The following NCAM2 variants were observed in gnomAD, a reference collection of about 807,000 sequenced individuals.
NCAM2 encodes the protein N-CAM-2.
NCAM2 carries 30 observed loss-of-function variants against 98.1 expected under a neutral mutation model. The observed-to-expected ratio is 0.31, with a 90% confidence interval of 0.23 to 0.41. NCAM2 has a LOEUF of 0.41. Ranked by LOEUF, NCAM2 falls within the 10% of genes least tolerant of loss-of-function variation. The pLI, the probability that NCAM2 is intolerant of heterozygous loss-of-function variation, is 1.00. For missense variants in NCAM2, 867 were observed against 1,005.8 expected (o/e 0.86, Z 1.87); for synonymous variants, 368 against 342.4 (o/e 1.07, Z -0.83).
intron 12 of NCAM2, among the ~76,000 whole-genome samples, chr21:21,441,217 G>A (rs947510185): frequency 1.3e-5 from 2 of 152,040 alleles, no homozygotes; most frequent in Admixed American, 6.6e-5. Flanking sequence ...AAAACTAAAA[G>A]ACAGTTATTA....
intron 1 of NCAM2, among the ~76,000 whole-genome samples, chr21:21,107,125 G>A (rs1192789185): frequency 6.6e-6 from 1 of 151,940 alleles, no homozygotes; most frequent in Non-Finnish European, 1.5e-5. Context: ...TAAAACGTCT[G>A]GTAATAACAG....
intron 1 of NCAM2, among the ~76,000 whole-genome samples, chr21:21,028,287 G>A (rs1159670779): frequency 6.6e-6 from 1 of 152,134 alleles, no homozygotes; most frequent in Non-Finnish European, 1.5e-5. Flanking sequence ...GTTCTCATTA[G>A]CAATGATGCA....
chr21:21,361,109 T>C (rs1178184476), intron 8 of NCAM2, among the ~76,000 whole-genome samples: 1 of 152,110 alleles, frequency 6.6e-6, no homozygotes, highest in Non-Finnish European at 1.5e-5. Flanking sequence ...ATCTGAGTTT[T>C]CATGTGGAGT....
intron 15 of NCAM2, among the ~76,000 whole-genome samples, chr21:21,482,366 AAATT>A (rs1985969637): frequency 6.6e-6 from 1 of 152,168 alleles, no homozygotes; most frequent in Non-Finnish European, 1.5e-5. Flanking sequence ...AATGAAATAT[AAATT>A]CAAACATATT....
intron 12 of NCAM2, among the ~76,000 whole-genome samples, chr21:21,456,906 C>T (rs1982229985): frequency 6.6e-6 from 1 of 152,186 alleles, no homozygotes; most frequent in Non-Finnish European, 1.5e-5. Flanking sequence ...AATCTGCTTT[C>T]ACCTAAACTT....
intron 16 of NCAM2, among the ~76,000 whole-genome samples, chr21:21,532,369 G>A (rs565263900): frequency 2.5e-3 from 374 of 152,052 alleles, no homozygotes; most frequent in African/African-American, 8.7e-3. Flanking sequence ...TATCTGTGTA[G>A]AATGTCTCTG....
chr21:21,103,718 G>A (rs1476023388), intron 1 of NCAM2, among the ~76,000 whole-genome samples: 3 of 152,058 alleles, frequency 2.0e-5, no homozygotes, highest in African/African-American at 7.2e-5. Flanking sequence ...ATACGTCTGT[G>A]TTTTACACTA....
At chr21:21,462,389 C>T (rs559443637) in intron 12 of NCAM2, among the ~76,000 whole-genome samples, 3 of 152,048 alleles carry the variant, frequency 2.0e-5, no homozygotes, top group South Asian at 4.2e-4. Flanking sequence ...AATTAGTTAC[C>T]AAATATGTAT....
rs17003852 is a variant in NCAM2, at chr21:21,407,129, A to G, written c.1196-3145A>G. 7.0e-3 allele frequency among the ~76,000 whole-genome samples: 1,070 copies of G among 152,292 alleles called. 13 individuals carry two copies. The highest frequency in any genetic ancestry group is 0.024 in the African/African-American group (1,010 of 41,554). ...TATGGCTACATTCTTCAGCCACTTC[A>G]GATGGTGCTATGCAAGAGTCACATC... On this transcript the variant is annotated intron_variant, in intron 9 of 17. Transcript: ENST00000400546.
intron 1 of NCAM2, among the ~76,000 whole-genome samples, chr21:21,080,257 C>A (rs1480773738): frequency 1.3e-5 from 2 of 152,034 alleles, no homozygotes; most frequent in Non-Finnish European, 2.9e-5. Context: ...CACATTAAAG[C>A]TATTATAAAC....
At chr21:21,536,439 T>A (rs1176535673) in intron 17 of NCAM2, among the ~76,000 whole-genome samples, 10 of 151,420 alleles carry the variant, frequency 6.6e-5, no homozygotes, top group Admixed American at 6.6e-4. Flanking sequence ...TTGCCCAGGC[T>A]GGAGTGCAAT....
chr21:21,082,113 A>C (rs2065815119), intron 1 of NCAM2, among the ~76,000 whole-genome samples: 1 of 150,714 alleles, frequency 6.6e-6, no homozygotes, highest in Admixed American at 6.6e-5. Context: ...ATGTAGTCCC[A>C]ACTACTCGGG....
intron 16 of NCAM2, among the ~76,000 whole-genome samples, chr21:21,530,129 T>C (rs1037325152): frequency 1.4e-5 from 2 of 144,612 alleles, no homozygotes; most frequent in Non-Finnish European, 3.0e-5. Flanking sequence ...TTTAATTATA[T>C]ATGATTTAAT....
At chr21:21,448,042 G>A (rs1980450781) in intron 12 of NCAM2, among the ~76,000 whole-genome samples, 1 of 152,026 alleles carries the variant, frequency 6.6e-6, no homozygotes. Context: ...TCCCATTACT[G>A]CATATATACC....
At chr21:21,147,651 ATAAAT>A (rs975549545) in intron 1 of NCAM2, among the ~76,000 whole-genome samples, 2 of 149,492 alleles carry the variant, frequency 1.3e-5, no homozygotes, top group African/African-American at 4.9e-5. Context: ...TATATATTTA[ATAAAT>A]TTATATATAT....
intron 5 of NCAM2, among the ~76,000 whole-genome samples, chr21:21,301,205 T>C (rs7280051): frequency 0.74 from 112,156 of 151,864 alleles, 41,547 homozygotes; most frequent in South Asian, 0.82. Flanking sequence ...TTCTATTGAT[T>C]GCTTCTTTTG....
intron 15 of NCAM2, among the ~76,000 whole-genome samples, chr21:21,505,791 T>C (rs1294139457): frequency 6.6e-6 from 1 of 152,100 alleles, no homozygotes; most frequent in Non-Finnish European, 1.5e-5. Context: ...TAAGCAGTAC[T>C]TGCTAGATTT....
In NCAM2 at chr21:21,543,270, A is replaced by G. The variant is rs1240908226; in HGVS notation, c.*5313A>G. On this transcript the variant is annotated 3_prime_UTR_variant, in exon 18 of 18. Coordinates refer to ENST00000400546, the MANE Select transcript of NCAM2 (RefSeq NM_004540.5). ...AGACATTGAAAGTATGGCTTACAGT[A>G]TATCAAACTTGTCACACTTCACCAT... 6.6e-6 allele frequency: 1 copy of G among 151,972 alleles called. No homozygotes were observed. Among genetic ancestry groups the G allele is most frequent in the Non-Finnish European group, 1.5e-5 (1 of 67,894 alleles). 9.4% of individuals were successfully genotyped at this position (151,972 alleles called of 1,614,324 possible). A position where few individuals can be genotyped will look rare whatever the true frequency, so the allele number is the denominator to read the frequency against.
chr21:21,280,916 G>C (rs1439876125), intron 2 of NCAM2, among the ~76,000 whole-genome samples: 1 of 151,906 alleles, frequency 6.6e-6, no homozygotes, highest in Non-Finnish European at 1.5e-5. Context: ...TCAGTAGCTG[G>C]ACTACAGGTG....
Sources: gnomAD v4.1 joint callset for allele counts (sites outside exome capture counted in the v4.1 genomes callset) on GRCh38, gnomAD v4.1.1 for gene constraint, MANE v1.5 for transcripts, NCBI Gene and HGNC (gene_info 2026-07-23, HGNC 2026-07-21) for gene names.